The following NFE2L1 variants were observed in gnomAD, a reference collection of about 807,000 sequenced individuals.
NFE2L1 encodes the protein endoplasmic reticulum membrane sensor NFE2L1.
NFE2L1 carries 18 observed loss-of-function variants against 61.6 expected under a neutral mutation model. That is an observed-to-expected ratio of 0.29 (90% CI 0.20 to 0.43). The LOEUF (loss-of-function observed/expected upper bound fraction) is 0.43. NFE2L1 is among the 20% of genes least tolerant of loss of function. The pLI, the probability that NFE2L1 is intolerant of heterozygous loss-of-function variation, is 1.00. For synonymous variants in NFE2L1, 419 were observed against 402.7 expected (o/e 1.04, Z -0.48); for missense variants, 827 against 973.5 (o/e 0.85, Z 2.00).
intron 1 of NFE2L1, chr17:48,049,063 T>C (rs1263579940): frequency 1.3e-5 from 2 of 149,272 alleles, no homozygotes; most frequent in African/African-American, 5.2e-5. Context: ...GGAGTGTGAG[T>C]GTGTGTGTGT....
chr17:48,057,063 C>A lies in NFE2L1; in HGVS notation c.755C>A (p.Ser252Tyr). Residue 252 changes from serine (S) to tyrosine (Y), a missense_variant, in exon 4 of 6, where the codon TCC becomes TAC. Ser to Tyr is a moderately radical substitution (Grantham distance 144, BLOSUM62 -2). Around this residue, in one of 3 missense-constraint regions of NFE2L1, gnomAD observed 667 missense variants for 748.4 expected, o/e 0.89. Transcript: ENST00000362042. ...AGTGGGGAGGACCAGACGGCCCTGT[C>A]CCTGGAAGAGTGCCTTAGGCTGCTG... Reference protein sequence around the residue: ...VPSGEDQTALSLEECLRLLEA... With the variant: ...VPSGEDQTALYLEECLRLLEA... 6.2e-7 allele frequency: 1 copy of A among 1,613,856 alleles called. No individual in the cohort carries two copies. The highest frequency in any genetic ancestry group is 8.5e-7 in the Non-Finnish European group (1 of 1,179,962).
intron 2 of NFE2L1, among the ~76,000 whole-genome samples, chr17:48,053,052 G>C (rs2037294607): frequency 6.6e-6 from 1 of 152,114 alleles, no homozygotes; most frequent in Non-Finnish European, 1.5e-5. Flanking sequence ...CTTCAAGTGG[G>C]CTCTAATCTT....
At chr17:48,057,951 G>A (rs1219273748) in intron 5 of NFE2L1, among the ~76,000 whole-genome samples, 1 of 152,198 alleles carries the variant, frequency 6.6e-6, no homozygotes, top group Non-Finnish European at 1.5e-5. Flanking sequence ...CACAGCAAGT[G>A]GTGCAGCTAG....
At chr17:48,054,822 G>T in intron 2 of NFE2L1, 1 of 1,315,094 alleles carries the variant, frequency 7.6e-7, no homozygotes, top group South Asian at 1.9e-5. Flanking sequence ...AGGTGGGAGG[G>T]GGCTGCTCAA....
At chr17:48,054,919 C>G in intron 2 of NFE2L1, 1 of 1,400,902 alleles carries the variant, frequency 7.1e-7, no homozygotes, top group Non-Finnish European at 9.3e-7. Context: ...AGCAAGGGGC[C>G]ACCCTTCCAG....
intron 1 of NFE2L1, among the ~76,000 whole-genome samples, 174 bp from the exon 2 acceptor site, chr17:48,050,433 C>T (rs894861288): frequency 6.6e-6 from 1 of 151,892 alleles, no homozygotes; most frequent in Non-Finnish European, 1.5e-5. Context: ...GAGCACAGAT[C>T]ACGCCACTGC....
chr17:48,054,886 C>T (rs2037353996), intron 2 of NFE2L1: 1 of 1,364,852 alleles, frequency 7.3e-7, no homozygotes, highest in Admixed American at 3.5e-5. Flanking sequence ...GGGCGGGGCA[C>T]CCTCCTCAGG....
chr17:48,056,075 GGGGGA>G (rs1476033550), intron 2 of NFE2L1: 2 of 334,094 alleles, frequency 6.0e-6, no homozygotes, highest in African/African-American at 4.2e-5. Flanking sequence ...TCTTATGTAG[GGGGGA>G]GGCGGCCCTG....
At chr17:48,055,075 G>A (rs907233902) in intron 2 of NFE2L1, 1 of 1,487,708 alleles carries the variant, frequency 6.7e-7, no homozygotes, top group Non-Finnish European at 8.9e-7. Flanking sequence ...AAGGCAGCCG[G>A]CCCCTTAACT....
At position 48,055,249 on chromosome 17, in the gene NFE2L1, G is replaced by A. The variant is rs375812968; in HGVS notation, c.511-1137G>A. 1.6e-4 allele frequency: 192 copies of A among 1,237,746 alleles called. 5 individuals carry two copies. In the East Asian group the frequency reaches 2.5e-3, roughly 16 times the overall value. 76.7% of individuals were successfully genotyped at this position (1,237,746 alleles called of 1,614,324 possible). A position where few individuals can be genotyped will look rare whatever the true frequency, so the allele number is the denominator to read the frequency against. On this transcript the variant is annotated intron_variant, in intron 2 of 5. Coordinates refer to ENST00000362042, the MANE Select transcript of NFE2L1 (RefSeq NM_003204.3). ...ATACCGACTTAGAGGTAGGGAGGAG[G>A]GTCTGATCTAAGGAAATTGCTTTCT...
chr17:48,055,063 CA>C, intron 2 of NFE2L1: 1 of 1,499,398 alleles, frequency 6.7e-7, no homozygotes, highest in Admixed American at 2.2e-5. Flanking sequence ...GGGGCCATGC[CA>C]AAGGCAGCCG....
In NFE2L1 at chr17:48,058,872, C is replaced by T. The variant is rs1342670556; in HGVS notation, c.1550C>T (p.Ser517Phe). 3.1e-6 allele frequency: 5 copies of T among 1,613,670 alleles called. No individual in the cohort carries two copies. In the East Asian group the frequency reaches 6.7e-5, roughly 22 times the overall value. ...SSSASSSASS[S>F]FSEEGAVGYS... ...TCTGCTTCTTCCTCTGCCTCTTCCTCCTTTTCTGAGGAAGGTGCGGTTGGC... is the reference window on the plus strand; with the variant it reads ...TCTGCTTCTTCCTCTGCCTCTTCCTTCTTTTCTGAGGAAGGTGCGGTTGGC... The change falls in exon 6 of 6, where the codon TCC (serine) becomes TTC (phenylalanine). Residue 517 changes from serine to phenylalanine, a missense_variant. Transcript: ENST00000362042.
chr17:48,056,637 C>T (rs538421091), intron 3 of NFE2L1, 39 bp downstream of exon 3: 2 of 1,602,480 alleles, frequency 1.2e-6, no homozygotes, highest in South Asian at 1.1e-5. Flanking sequence ...CTTCTTGTCC[C>T]TACTACCCTG....
Position 48,059,699 on chromosome 17 carries a change from C to CCTGGAA in NFE2L1, c.*63_*64insACTGGA. 8.3e-7 allele frequency: 1 copy of CCTGGAA among 1,206,006 alleles called. No individual in the cohort carries two copies. The highest frequency in any genetic ancestry group is 1.9e-5 in the African/African-American group (1 of 53,192). The allele number at this position is 1,206,006 out of a possible 1,614,324, so 74.7% of individuals were successfully genotyped here. ...AGACCGAAACTGGAGAAGGGCTGGACCTGGACCTGGACCTGGACCTACAGC... is the reference window on the plus strand; with the variant it reads ...AGACCGAAACTGGAGAAGGGCTGGACCTGGAACTGGACCTGGACCTGGACCTACAGC... On this transcript the variant is annotated 3_prime_UTR_variant, in exon 6 of 6. Transcript: ENST00000362042. The surrounding 1 kb of genome is among the most constrained non-coding windows in gnomAD (Gnocchi z 6.1).
rs1439914428 is a variant in NFE2L1 at position 48,059,754 on chromosome 17, A to G, written c.*113A>G. The stretch of plus-strand genomic sequence containing the variant: ...ACTTAAATGCCTTCTTATCCAATAT[A>G]TCTTCTCAGATGGGATGACTGCGGG... On this transcript the variant is annotated 3_prime_UTR_variant, in exon 6 of 6. Coordinates refer to ENST00000362042, the MANE Select transcript of NFE2L1 (RefSeq NM_003204.3). This position sits in a 1 kb window ranked among gnomAD's most constrained non-coding sequence, Gnocchi z 6.1. 2.9e-6 allele frequency: 4 copies of G among 1,392,374 alleles called. No individual in the cohort carries two copies. Among genetic ancestry groups the G allele is most frequent in the Non-Finnish European group, 3.8e-6 (4 of 1,057,308 alleles). 86.3% of individuals were successfully genotyped at this position (1,392,374 alleles called of 1,614,324 possible). A position where few individuals can be genotyped will look rare whatever the true frequency, so the allele number is the denominator to read the frequency against.
rs796571276 is a variant in NFE2L1, at chr17:48,050,714, G to GA, written c.-395dup. ...GAAAATAAACCTTAGGAGGGAGAAGGAAAAAAAAAATCCATCAGCTGTTCC... is the reference window on the plus strand; with the variant it reads ...GAAAATAAACCTTAGGAGGGAGAAGGAAAAAAAAAAATCCATCAGCTGTTCC... On this transcript the variant is annotated 5_prime_UTR_variant, in exon 2 of 6. Transcript: ENST00000362042. The GA allele has an allele frequency of 2.1e-3, 903 of 428,130 alleles. 2 individuals are homozygous for GA. The highest frequency in any genetic ancestry group is 8.2e-3 in the African/African-American group (403 of 49,200). The allele number at this position is 428,130 out of a possible 1,614,324, so 26.5% of individuals were successfully genotyped here.
Position 48,058,691 on chromosome 17 carries a change from A to G in NFE2L1, c.1369A>G (p.Ile457Val), listed in dbSNP as rs148331622. 3 of 1,614,170 alleles carry G rather than the reference A, an allele frequency of 1.9e-6. No individual in the cohort carries two copies. Among genetic ancestry groups the G allele is most frequent in the Non-Finnish European group, 2.5e-6 (3 of 1,180,020 alleles). Residue 457 changes from isoleucine to valine, a missense_variant, in exon 6 of 6, where the codon ATT (isoleucine) becomes GTT (valine). Ile to Val is a conservative substitution (Grantham distance 29, BLOSUM62 3). Coordinates refer to ENST00000362042, the MANE Select transcript of NFE2L1 (RefSeq NM_003204.3). ...TGAGATCAGCCTTATGGACCTGGCCATTGAAGAAGGCTTTAACCCTGTGCA... is the reference window on the plus strand; with the variant it reads ...TGAGATCAGCCTTATGGACCTGGCCGTTGAAGAAGGCTTTAACCCTGTGCA... ...LDEISLMDLA[I>V]EEGFNPVQAS...
chr17:48,055,187 G>C, intron 2 of NFE2L1: 2 of 1,317,998 alleles, frequency 1.5e-6, no homozygotes, highest in South Asian at 2.0e-5. Context: ...AGTACGTCTG[G>C]GAGGTCTTAG....
chr17:48,058,237 G>A, intron 5 of NFE2L1, 58 bp from the exon 6 acceptor site: 1 of 1,516,660 alleles, frequency 6.6e-7, no homozygotes, highest in Admixed American at 2.2e-5. Context: ...TGCAGTGTGT[G>A]AGCCCCAGGG....
Sources: allele counts gnomAD v4.1 joint callset (sites outside exome capture counted in the v4.1 genomes callset), GRCh38; gene constraint gnomAD v4.1.1; regional missense constraint gnomAD v4.1.1; non-coding constraint Gnocchi (gnomAD v3.1); transcripts MANE v1.5; gene names NCBI Gene and HGNC (gene_info 2026-07-23, HGNC 2026-07-21).